SLC24A4: variants seen among roughly 807,000 people sequenced by gnomAD.
SLC24A4 encodes sodium/potassium/calcium exchanger 4.
A neutral mutation model predicts 79.0 loss-of-function variants in SLC24A4; 53 were observed. The ratio of observed to expected loss-of-function variants is 0.67; its 90% confidence interval spans 0.54 to 0.84. SLC24A4 has a LOEUF of 0.84. Among genes scored for constraint, SLC24A4 ranks in the 40% least tolerant of loss-of-function variants. The pLI, the probability that SLC24A4 is intolerant of heterozygous loss-of-function variation, is 0.00. For synonymous variants in SLC24A4, 323 were observed against 323.8 expected (o/e 1.00, Z 0.03); for missense variants, 731 against 822.0 (o/e 0.89, Z 1.35).
At chr14:92,326,005 G>A in intron 2 of SLC24A4, 27 bp downstream of exon 2, 1 of 1,515,894 alleles carries the variant, frequency 6.6e-7, no homozygotes, top group Non-Finnish European at 9.1e-7. Flanking sequence ...TCTCCACTCA[G>A]TCTACTAAGA....
At position 92,433,985 on chromosome 14, in the gene SLC24A4, T is replaced by G. The variant is rs561448488; in HGVS notation, c.315T>G (p.Leu105=). 6.2e-7 allele frequency: 1 copy of G among 1,613,952 alleles called. No individual in the cohort carries two copies. Among genetic ancestry groups the G allele is most frequent in the Middle Eastern group, 1.7e-4 (1 of 6,060 alleles). Residue 105 remains leucine (L), a synonymous_variant, in exon 3 of 17, where the codon CTT becomes CTG. Transcript: ENST00000532405. ...ACGGAGCCGTCCTGCTGCACATCCT[T>G]GGTGTAAGTCGTCCTCCCAGAGTGG... is the stretch of plus-strand genomic sequence containing the variant. ...RQHGAVLLHI[L]GALYMFYALA... is the part of the protein sequence containing the mutation.
At chr14:92,324,306 G>A (rs1286360773) in intron 1 of SLC24A4, among the ~76,000 whole-genome samples, 1 of 152,222 alleles carries the variant, frequency 6.6e-6, no homozygotes, top group Non-Finnish European at 1.5e-5. Context: ...GGTCTGGGGT[G>A]GGCGAAACTG....
chr14:92,447,393 A>G lies in SLC24A4; in HGVS notation c.706A>G (p.Ile236Val). 1.2e-6 allele frequency: 2 copies of G among 1,613,816 alleles called. No individual in the cohort carries two copies. Among genetic ancestry groups the G allele is most frequent in the Non-Finnish European group, 1.7e-6 (2 of 1,179,944 alleles). ...IVWWEGLVLI[I>V]LYVFYILIMK... ...GAGGTGGGAAGGCCTGGTGCTCATC[A>G]TCTTGTATGTGTTTTATATTCTGAT... is the stretch of plus-strand genomic sequence containing the variant. Residue 236 changes from isoleucine to valine, a missense_variant, in exon 9 of 17, where the codon ATC (isoleucine) becomes GTC (valine). Transcript: ENST00000532405.
chr14:92,325,422 G>A (rs1226086115), intron 1 of SLC24A4, among the ~76,000 whole-genome samples: 1 of 152,208 alleles, frequency 6.6e-6, no homozygotes, highest in Non-Finnish European at 1.5e-5. Flanking sequence ...AGATCCCCAG[G>A]TGATCTGTGT....
At position 92,493,901 on chromosome 14, in the gene SLC24A4, T is replaced by A; in HGVS notation, c.*273T>A. ...ACCCCTGAGCTGCCAACCACGGAGA[T>A]GTGCCAAGCATCTCATCTCTCCTGC... On this transcript the variant is annotated 3_prime_UTR_variant, in exon 17 of 17. Coordinates refer to ENST00000532405, the MANE Select transcript of SLC24A4 (RefSeq NM_153646.4). The A allele has an allele frequency of 2.1e-6, 1 of 465,710 alleles. No homozygotes were observed. The highest frequency in any genetic ancestry group is 3.9e-6 in the Non-Finnish European group (1 of 258,562). 28.8% of individuals were successfully genotyped at this position (465,710 alleles called of 1,614,324 possible).
rs60028077 is a variant in SLC24A4 at position 92,374,980 on chromosome 14, T to G, written c.241+49002T>G. 3.0e-3 allele frequency among the ~76,000 whole-genome samples: 460 copies of G among 152,322 alleles called. 18 individuals are homozygous for G. The East Asian group carries it at 0.079, about 26-fold the overall frequency. ...TTCATTGCCTGGCGGCCTGCAAAAT[T>G]ATAACAATAACCTAGATCTGGTTAG... On this transcript the variant is annotated intron_variant, in intron 2 of 16. Coordinates refer to ENST00000532405, the MANE Select transcript of SLC24A4 (RefSeq NM_153646.4).
chr14:92,430,184 T>C (rs1289735504), intron 2 of SLC24A4, among the ~76,000 whole-genome samples: 1 of 152,144 alleles, frequency 6.6e-6, no homozygotes, highest in African/African-American at 2.4e-5. Context: ...CAAGCCACCC[T>C]CTGAGAGGAA....
chr14:92,412,450 G>A (rs4904903), intron 2 of SLC24A4, among the ~76,000 whole-genome samples: 29,121 of 152,086 alleles, frequency 0.19, 3,032 homozygotes, highest in Non-Finnish European at 0.22. Flanking sequence ...CCCTGTCAAC[G>A]CCCCGCACTC....
At chr14:92,381,194 A>G (rs745601279) in intron 2 of SLC24A4, among the ~76,000 whole-genome samples, 6 of 152,260 alleles carry the variant, frequency 3.9e-5, no homozygotes, top group Non-Finnish European at 8.8e-5. Context: ...ATGTCCATCA[A>G]TGATAGGCTG....
At chr14:92,332,884 A>G (rs1351599632) in intron 2 of SLC24A4, among the ~76,000 whole-genome samples, 1 of 152,212 alleles carries the variant, frequency 6.6e-6, no homozygotes, top group Non-Finnish European at 1.5e-5. Flanking sequence ...CTTGCCACAC[A>G]TTTATTCTTT....
intron 12 of SLC24A4, among the ~76,000 whole-genome samples, chr14:92,460,019 G>C (rs1003955931): frequency 6.6e-6 from 1 of 152,172 alleles, no homozygotes. Context: ...AGGACCAGGG[G>C]AGGAATCACA....
intron 2 of SLC24A4, among the ~76,000 whole-genome samples, chr14:92,366,258 G>A (rs1370067768): frequency 1.3e-5 from 2 of 152,192 alleles, no homozygotes; most frequent in African/African-American, 2.4e-5. Context: ...GTGAGGCAGC[G>A]TTTTCAGGGG....
chr14:92,405,393 G>A (rs1038004582), intron 2 of SLC24A4, among the ~76,000 whole-genome samples: 43 of 152,352 alleles, frequency 2.8e-4, no homozygotes, highest in African/African-American at 1.0e-3. Context: ...AGGATAGCAA[G>A]GCAGGGGTTA....
At chr14:92,442,878 A>G in intron 6 of SLC24A4, 62 bp downstream of exon 6, 1 of 1,372,636 alleles carries the variant, frequency 7.3e-7, no homozygotes, top group Non-Finnish European at 1.0e-6. Flanking sequence ...ATGAGCCTCT[A>G]ATGACAAGAG....
chr14:92,439,216 T>C, intron 3 of SLC24A4, 119 bp from the exon 4 acceptor site: 2 of 749,638 alleles, frequency 2.7e-6, no homozygotes, highest in East Asian at 2.5e-5. Flanking sequence ...AGTTTTCCTG[T>C]GTGCCCCGCT....
intron 10 of SLC24A4, 106 bp downstream of exon 10, chr14:92,449,322 A>G (rs181502870): frequency 1.9e-6 from 2 of 1,031,204 alleles, no homozygotes; most frequent in Non-Finnish European, 2.7e-6. Context: ...ACACACACAC[A>G]CCCTCTCACA....
intron 2 of SLC24A4, among the ~76,000 whole-genome samples, chr14:92,405,893 C>G (rs1282492192): frequency 6.6e-6 from 1 of 152,198 alleles, no homozygotes; most frequent in Non-Finnish European, 1.5e-5. Context: ...CAAAACCAAT[C>G]ATGCCTTCCC....
Position 92,456,521 on chromosome 14 carries a change from A to G in SLC24A4, c.1168A>G (p.Asn390Asp), listed in dbSNP as rs1384993282. ...GGAAAACCCCGAAGACCCTCAGCAG[A>G]ATCAGGAGCAGCAGCCGCCGCCACA... ...PVENPEDPQQNQEQQPPPQPP... is the reference protein window; with the variant it reads ...PVENPEDPQQDQEQQPPPQPP... The change falls in exon 12 of 17, where the codon AAT becomes GAT. Residue 390 changes from asparagine to aspartate, a missense_variant. Transcript: ENST00000532405. 2 of 1,614,108 alleles carry G rather than the reference A, an allele frequency of 1.2e-6. No homozygotes were observed. Among genetic ancestry groups the G allele is most frequent in the Middle Eastern group, 1.7e-4 (1 of 6,058 alleles).
intron 12 of SLC24A4, among the ~76,000 whole-genome samples, chr14:92,467,426 C>T (rs1252099280): frequency 6.6e-6 from 1 of 152,180 alleles, no homozygotes; most frequent in Non-Finnish European, 1.5e-5. Context: ...ATGGCCTCAA[C>T]AAAAACCCCA....
Sources: gnomAD v4.1 joint callset for allele counts (sites outside exome capture counted in the v4.1 genomes callset) on GRCh38, gnomAD v4.1.1 for gene constraint, MANE v1.5 for transcripts, NCBI Gene and HGNC (gene_info 2026-07-23, HGNC 2026-07-21) for gene names.